The following TMIGD3 variants were observed in gnomAD, a reference collection of about 807,000 sequenced individuals.
TMIGD3 encodes transmembrane and immunoglobulin domain containing 3.
Under a neutral mutation model 28.1 loss-of-function variants are expected in TMIGD3, and 21 were observed. That is an observed-to-expected ratio of 0.75 (90% CI 0.53 to 1.08). TMIGD3 has a LOEUF of 1.08. Ranked by LOEUF, TMIGD3 falls within the 50% of genes least tolerant of loss-of-function variation. TMIGD3 has a pLI of 0.00. For synonymous variants in TMIGD3, 151 were observed against 162.1 expected (o/e 0.93, Z 0.52); for missense variants, 416 against 435.6 (o/e 0.96, Z 0.40).
intron 4 of TMIGD3, 56 bp downstream of exon 4, chr1:111,486,530 C>G: frequency 7.5e-7 from 1 of 1,337,638 alleles, no homozygotes; most frequent in Non-Finnish European, 1.1e-6. Flanking sequence ...GCCACCCCAG[C>G]CCCTACCTCC....
At chr1:111,558,739 T>G (rs1247050053) in intron 1 of TMIGD3, among the ~76,000 whole-genome samples, 3 of 152,174 alleles carry the variant, frequency 2.0e-5, no homozygotes, top group African/African-American at 7.2e-5. Flanking sequence ...CCTAATAAAA[T>G]TTAAACTATG....
chr1:111,504,847 A>G (rs1446912891), upstream of TMIGD3: 1 of 985,086 alleles, frequency 1.0e-6, no homozygotes, highest in Non-Finnish European at 1.2e-6. Context: ...AGTTGATCCA[A>G]GTCTTACCAA....
chr1:111,544,750 T>C (rs1656975832), intron 1 of TMIGD3, among the ~76,000 whole-genome samples: 1 of 151,878 alleles, frequency 6.6e-6, no homozygotes, highest in Non-Finnish European at 1.5e-5. Context: ...ATATACCCAA[T>C]TTCTTGGGTA....
intron 1 of TMIGD3, among the ~76,000 whole-genome samples, chr1:111,539,401 G>T (rs377603111): frequency 6.6e-6 from 1 of 152,120 alleles, no homozygotes; most frequent in Non-Finnish European, 1.5e-5. Context: ...GAGTTCAAGC[G>T]ATTCTCTTGC....
At chr1:111,519,030 C>T (rs1030683957) in intron 1 of TMIGD3, among the ~76,000 whole-genome samples, 5 of 152,158 alleles carry the variant, frequency 3.3e-5, no homozygotes, top group Non-Finnish European at 5.9e-5. Flanking sequence ...CCTCTGCCTC[C>T]CGGGTTCAAG....
At chr1:111,513,945 TG>T (rs1013500452) in intron 1 of TMIGD3, among the ~76,000 whole-genome samples, 2 of 152,116 alleles carry the variant, frequency 1.3e-5, no homozygotes, top group Non-Finnish European at 2.9e-5. Flanking sequence ...TGGGAGCTGG[TG>T]GGAGGGGCTG....
intron 1 of TMIGD3, chr1:111,500,590 C>A: frequency 1.2e-6 from 2 of 1,600,042 alleles, no homozygotes; most frequent in Non-Finnish European, 1.7e-6. Context: ...GAGTCCACAG[C>A]AGTAATTGCT....
At chr1:111,500,956 A>T (rs561494841) in intron 1 of TMIGD3, 1 of 258,910 alleles carries the variant, frequency 3.9e-6, no homozygotes, top group South Asian at 1.2e-4. Flanking sequence ...CCACAGGTGA[A>T]TTCAGCAGTT....
upstream of TMIGD3, among the ~76,000 whole-genome samples, chr1:111,505,400 C>A (rs533352346): frequency 6.6e-6 from 1 of 152,308 alleles, no homozygotes; most frequent in East Asian, 1.9e-4. Context: ...CACCTCTGCC[C>A]ATCTGGGAAT....
At chr1:111,536,223 T>C (rs1449412546) in intron 1 of TMIGD3, among the ~76,000 whole-genome samples, 1 of 143,810 alleles carries the variant, frequency 7.0e-6, no homozygotes, top group Admixed American at 6.7e-5. Context: ...TTGGGGTTTA[T>C]TTTTTAAGTT....
At chr1:111,549,301 G>A (rs1657159256) in intron 1 of TMIGD3, among the ~76,000 whole-genome samples, 1 of 148,256 alleles carries the variant, frequency 6.7e-6, no homozygotes. Context: ...AAGCCATCCA[G>A]TCATGGGCTT....
intron 4 of TMIGD3, 131 bp from the exon 5 acceptor site, chr1:111,485,971 C>T (rs1013416864): frequency 1.8e-5 from 12 of 659,582 alleles, no homozygotes; most frequent in East Asian, 5.6e-5. Context: ...TTCTGGGAAC[C>T]GTATTCCTTT....
chr1:111,500,448 C>G, intron 1 of TMIGD3: 3 of 1,614,072 alleles, frequency 1.9e-6, no homozygotes, highest in Non-Finnish European at 2.5e-6. Flanking sequence ...ACTCTGAGGT[C>G]AGTTTCATGT....
At position 111,529,950 on chromosome 1, in the gene TMIGD3, G is replaced by A. The variant is rs1234900226; in HGVS notation, c.107+33896C>T. ...CTCACTTCCCAGTAGGGGCGGCCGG[G>A]CAGAGGCGCCCCTCACCTCCCGGAT... On this transcript the variant is annotated intron_variant, in intron 1 of 5. Coordinates refer to the TMIGD3 transcript ENST00000369717. 2.8e-5 allele frequency among the ~76,000 whole-genome samples: 4 copies of A among 145,354 alleles called. 1 individual carries two copies. The highest frequency in any genetic ancestry group is 7.9e-5 in the African/African-American group (3 of 38,084).
chr1:111,529,651 T>G (rs368791723), intron 1 of TMIGD3, among the ~76,000 whole-genome samples: 1 of 150,936 alleles, frequency 6.6e-6, no homozygotes, highest in Non-Finnish European at 1.5e-5. Context: ...CCTGAGTGGA[T>G]ACAGCACATG....
intron 1 of TMIGD3, among the ~76,000 whole-genome samples, chr1:111,535,620 C>T (rs1038904682): frequency 3.3e-5 from 5 of 152,200 alleles, no homozygotes; most frequent in African/African-American, 1.2e-4. Context: ...CCTTGTCTTA[C>T]TGAAAGGTGT....
chr1:111,529,912 G>A (rs1395573824), intron 1 of TMIGD3, among the ~76,000 whole-genome samples: 4 of 148,276 alleles, frequency 2.7e-5, no homozygotes, highest in Non-Finnish European at 5.9e-5. Flanking sequence ...CGGCTGGCCG[G>A]GCAGAGGGGC....
At chr1:111,510,217 C>T (rs915860138) in intron 1 of TMIGD3, among the ~76,000 whole-genome samples, 4 of 152,320 alleles carry the variant, frequency 2.6e-5, no homozygotes, top group South Asian at 2.1e-4. Flanking sequence ...ACTCCCTACC[C>T]GCAACTCCTG....
chr1:111,486,560 A>G, intron 4 of TMIGD3, 26 bp downstream of exon 4: 2 of 1,560,754 alleles, frequency 1.3e-6, no homozygotes, highest in Non-Finnish European at 1.8e-6. Context: ...CCCCAAGCCC[A>G]TTCATCCGCC....
Sources: allele counts gnomAD v4.1 joint callset (sites outside exome capture counted in the v4.1 genomes callset), GRCh38; gene constraint gnomAD v4.1.1; transcripts MANE v1.5; gene names NCBI Gene and HGNC (gene_info 2026-07-23, HGNC 2026-07-21).